The following TTN variants were observed in gnomAD, a reference collection of about 807,000 sequenced individuals.
The protein encoded by TTN is titin.
A neutral mutation model predicts 3,223.0 loss-of-function variants in TTN; 1,525 were observed. That is an observed-to-expected ratio of 0.47 (90% CI 0.45 to 0.49). The LOEUF (loss-of-function observed/expected upper bound fraction) is 0.49. Among genes scored for constraint, TTN ranks in the 20% least tolerant of loss-of-function variants. The pLI is 0.00. For synonymous variants in TTN, 14,094 were observed against 15,161.0 expected, an observed-to-expected ratio of 0.93 and a Z score of 5.17; for missense variants, 40,786 against 43,424.0, an observed-to-expected ratio of 0.94 and a Z score of 5.40.
In TTN at chr2:178,566,892, C is replaced by T. The variant is rs1349007720; in HGVS notation, c.79240G>A (p.Gly26414Ser). Residue 26414 changes from glycine (G) to serine (S), a missense_variant, in exon 326 of 363, where the codon GGT (glycine) becomes AGT (serine). Transcript: ENST00000589042. ...ATGTAACCAATAATCTCACTTCCAC[C>T]ATCACTATCTGGACGGTTCCAACAG... ...TVCWNRPDSD[G>S]GSEIIGYIVE... The T allele has an allele frequency of 6.2e-7, 1 of 1,613,560 alleles. No individual in the cohort carries two copies. Among genetic ancestry groups the T allele is most frequent in the Non-Finnish European group, 8.5e-7 (1 of 1,179,674 alleles).
Position 178,607,155 on chromosome 2 carries a change from T to C in TTN, c.53447A>G (p.Glu17816Gly). ...AKMHTWRQPI[E>G]TERSKCDITG... ...GATGTCACATTTAGATCTCTCAGTC[T>C]CTATTGGTTGTCTCCAAGTATGCAT... Residue 17816 changes from glutamate to glycine, a missense_variant, in exon 278 of 363, where the codon GAG becomes GGG. By Grantham distance (98) the Glu-to-Gly change is moderately conservative. Coordinates refer to ENST00000589042, the MANE Select transcript of TTN (RefSeq NM_001267550.2). The C allele has an allele frequency of 1.9e-6, 3 of 1,613,018 alleles. No homozygotes were observed. The highest frequency in any genetic ancestry group is 2.5e-6 in the Non-Finnish European group (3 of 1,179,288).
rs373195399 is a variant in TTN, at chr2:178,765,574, G to T, written c.9704-763C>A. On this transcript the variant is annotated intron_variant, in intron 41 of 362. Coordinates refer to ENST00000589042, the MANE Select transcript of TTN (RefSeq NM_001267550.2). Reference sequence around the variant, plus strand: ...AAGAACTGGATGCCATGACCATTTGGTCTTCTAGGAACCTAGGGAATGCTG... The same window carrying T: ...AAGAACTGGATGCCATGACCATTTGTTCTTCTAGGAACCTAGGGAATGCTG... Among the ~76,000 whole-genome samples, 23 of 152,230 alleles carry T rather than the reference G, an allele frequency of 1.5e-4. No homozygotes were observed. The East Asian group carries it at 3.9e-3, about 26-fold the overall frequency.
At position 178,690,948 on chromosome 2, in the gene TTN, G is replaced by C. The variant is rs149820734; in HGVS notation, c.31763-1052C>G. ...AATGTTCAGATAGTATATAGAAAAG[G>C]TTCTTTATGCTTTGTATGGGGAAAT... On this transcript the variant is annotated intron_variant, in intron 121 of 362. Coordinates refer to ENST00000589042, the MANE Select transcript of TTN (RefSeq NM_001267550.2). Among the ~76,000 whole-genome samples, 275 of 152,190 alleles carry C rather than the reference G, an allele frequency of 1.8e-3. 5 individuals are homozygous for C. The South Asian group carries it at 0.024, about 13-fold the overall frequency.
chr2:178,715,354 A>G, intron 89 of TTN, 90 bp from the exon 90 acceptor site: 1 of 1,508,118 alleles, frequency 6.6e-7, no homozygotes, highest in Non-Finnish European at 8.8e-7. Context: ...AGAGAGATAG[A>G]GAGTGAAAAA....
Position 178,640,031 on chromosome 2 carries a change from A to C in TTN, c.40786+17T>G. On this transcript the variant is annotated intron_variant, in intron 222 of 362. Coordinates refer to ENST00000589042, the MANE Select transcript of TTN (RefSeq NM_001267550.2). ...CAGAAAGAATATGCTGTTGACATTG[A>C]GGATAAGCTTGCTCACCTGCTTCGG... 6.2e-7 allele frequency: 1 copy of C among 1,611,472 alleles called. No homozygotes were observed.
chr2:178,675,604 C>T (rs868150950), intron 149 of TTN, 67 bp downstream of exon 149: 2 of 1,187,580 alleles, frequency 1.7e-6, no homozygotes, highest in African/African-American at 3.1e-5. Flanking sequence ...TGTTGAGTGT[C>T]CTGTGTGGAT....
intron 306 of TTN, 40 bp downstream of exon 306, chr2:178,587,476 C>T: frequency 6.2e-7 from 1 of 1,602,358 alleles, no homozygotes; most frequent in Non-Finnish European, 8.5e-7. Flanking sequence ...TTAACAAATT[C>T]ATTTTTGAAG....
At chr2:178,744,518 A>G (rs11893580) in intron 47 of TTN, 119,559 of 865,616 alleles carry the variant, frequency 0.14, 9,037 homozygotes, top group East Asian at 0.47. Flanking sequence ...AGACAAAATT[A>G]AAGAGTTACT....
chr2:178,745,718 A>G (rs1337550538), intron 47 of TTN: 1 of 1,612,482 alleles, frequency 6.2e-7, no homozygotes, highest in Non-Finnish European at 8.5e-7. Context: ...ACTTTCCTCA[A>G]CAGTGAACCT....
chr2:178,546,378 T>A lies in TTN; in HGVS notation c.94953A>T (p.Lys31651Asn), dbSNP rs188002699. The A allele has an allele frequency of 6.2e-7, 1 of 1,613,762 alleles. No homozygotes were observed. Among genetic ancestry groups the A allele is most frequent in the African/African-American group, 1.3e-5 (1 of 75,008 alleles). The part of the protein sequence containing the change: ...GKPEPKIIWT[K>N]GDKELDLCEK... ...CACAGAGATCTAGCTCCTTGTCTCCTTTGGTCCAGATAATTTTGGGTTCAG... is the reference window on the plus strand; with the variant it reads ...CACAGAGATCTAGCTCCTTGTCTCCATTGGTCCAGATAATTTTGGGTTCAG... Residue 31651 changes from lysine (K) to asparagine (N), a missense_variant, in exon 342 of 363, where the codon AAA (lysine) becomes AAT (asparagine). By Grantham distance (94) the Lys-to-Asn change is moderately conservative. Coordinates refer to ENST00000589042, the MANE Select transcript of TTN (RefSeq NM_001267550.2).
At position 178,782,429 on chromosome 2, in the gene TTN, TG is replaced by T; in HGVS notation, c.3165-3del. ...ACCACATCTCTTGACTCAACAAAGC[TG>T]GAAAGAGAATTCCCCTCATATTAGC... On this transcript the variant is annotated splice_region_variant and splice_polypyrimidine_tract_variant and intron_variant, in intron 19 of 362. Coordinates refer to ENST00000589042, the MANE Select transcript of TTN (RefSeq NM_001267550.2). 6.2e-7 allele frequency: 1 copy of T among 1,614,078 alleles called. No individual in the cohort carries two copies. Among genetic ancestry groups the T allele is most frequent in the Non-Finnish European group, 8.5e-7 (1 of 1,179,992 alleles).
Position 178,544,131 on chromosome 2 carries a change from C to G in TTN, c.96029-16G>C. 1 of 1,601,598 alleles carries G rather than the reference C, an allele frequency of 6.2e-7. No individual in the cohort carries two copies. Reference sequence around the variant, plus strand: ...TCTGGTATTTCTGGAAAGTTAATGACAAAATTTAATTAATTCATGGACAGG... The same window carrying G: ...TCTGGTATTTCTGGAAAGTTAATGAGAAAATTTAATTAATTCATGGACAGG... On this transcript the variant is annotated splice_polypyrimidine_tract_variant and intron_variant, in intron 345 of 362. Coordinates refer to ENST00000589042, the MANE Select transcript of TTN (RefSeq NM_001267550.2).
Position 178,802,287 on chromosome 2 carries a change from G to A in TTN, c.146C>T (p.Ser49Phe), listed in dbSNP as rs368887734. 1 of 1,614,048 alleles carries A rather than the reference G, an allele frequency of 6.2e-7. No homozygotes were observed. Among genetic ancestry groups the A allele is most frequent in the Non-Finnish European group, 8.5e-7 (1 of 1,180,020 alleles). The change falls in exon 3 of 363, where the codon TCC becomes TTC. Residue 49 changes from serine to phenylalanine, a missense_variant. By Grantham distance (155) the Ser-to-Phe change is radical. Transcript: ENST00000589042. ...GGAGATCTGCACGCCGGGCAGAGTG[G>A]AAGTGGAAATCACCTGGCCATCCCT... ...WFRDGQVIST[S>F]TLPGVQISFS...
rs531055730 is a variant in TTN at position 178,740,667 on chromosome 2, A to G, written c.12566T>C (p.Met4189Thr). Residue 4189 changes from methionine (M) to threonine (T), a missense_variant, in exon 48 of 363, where the codon ATG becomes ACG. Met to Thr is a moderately conservative substitution (Grantham distance 81, BLOSUM62 -1). Coordinates refer to ENST00000589042, the MANE Select transcript of TTN (RefSeq NM_001267550.2). ...TAATGAATTAATTTGTTCTATGGAC[A>G]TGGCACTTGGGAAGATTTTCTCGGT... ...SDTEKIFPSA[M>T]SIEQINSLTV... 1.2e-6 allele frequency: 2 copies of G among 1,613,834 alleles called. No homozygotes were observed. The highest frequency in any genetic ancestry group is 2.2e-5 in the South Asian group (2 of 91,064).
At chr2:178,630,709 T>G in intron 238 of TTN, 95 bp downstream of exon 238, 1 of 1,510,204 alleles carries the variant, frequency 6.6e-7, no homozygotes, top group Non-Finnish European at 8.9e-7. Context: ...ACTGCTATCA[T>G]GTTTTAAATG....
chr2:178,747,118 T>G, intron 47 of TTN: 1 of 1,605,434 alleles, frequency 6.2e-7, no homozygotes, highest in Non-Finnish European at 8.5e-7. Flanking sequence ...GTGTGGAGTA[T>G]CTCTCCAGAG....
chr2:178,601,642 T>G lies in TTN; in HGVS notation c.55432+16A>C. ...ATTTGTTTTTATTCTGTAGCAACTT[T>G]CAAAGTCTTTCTTACCCATGACTTT... On this transcript the variant is annotated intron_variant, in intron 286 of 362. Coordinates refer to ENST00000589042, the MANE Select transcript of TTN (RefSeq NM_001267550.2). The G allele has an allele frequency of 6.3e-7, 1 of 1,585,876 alleles. No individual in the cohort carries two copies. The highest frequency in any genetic ancestry group is 8.5e-7 in the Non-Finnish European group (1 of 1,170,520).
Position 178,650,786 on chromosome 2 carries a change from G to C in TTN, c.39674C>G (p.Pro13225Arg). Residue 13225 changes from proline (P) to arginine (R), a missense_variant, in exon 209 of 363, where the codon CCT becomes CGT. By Grantham distance (103) the Pro-to-Arg change is moderately radical (BLOSUM62 -2). Coordinates refer to ENST00000589042, the MANE Select transcript of TTN (RefSeq NM_001267550.2). ...KPVLEEKPAV[P>R]VPERAESPPP... ...AGGAGACTCCGCTCTTTCTGGAACA[G>C]GAACAGCTGGTTTCTCTTCCAAGAC... 1 of 1,607,784 alleles carries C rather than the reference G, an allele frequency of 6.2e-7. No individual in the cohort carries two copies. The highest frequency in any genetic ancestry group is 8.5e-7 in the Non-Finnish European group (1 of 1,177,042).
At position 178,637,349 on chromosome 2, in the gene TTN, A is replaced by G; in HGVS notation, c.40927+20T>C. 6.9e-7 allele frequency: 1 copy of G among 1,448,714 alleles called. No homozygotes were observed. The highest frequency in any genetic ancestry group is 9.1e-7 in the Non-Finnish European group (1 of 1,100,988). 89.7% of individuals were successfully genotyped at this position (1,448,714 alleles called of 1,614,324 possible). A position where few individuals can be genotyped will look rare whatever the true frequency, so the allele number is the denominator to read the frequency against. ...CAGAGTGGAAGGTTACAATGCAAGT[A>G]CTAGAAAAATGAATTTCACCTTTGA... On this transcript the variant is annotated intron_variant, in intron 224 of 362. Coordinates refer to ENST00000589042, the MANE Select transcript of TTN (RefSeq NM_001267550.2).
Sources: gnomAD v4.1 joint callset for allele counts (sites outside exome capture counted in the v4.1 genomes callset) on GRCh38, gnomAD v4.1.1 for gene constraint, MANE v1.5 for transcripts, NCBI Gene and HGNC (gene_info 2026-07-23, HGNC 2026-07-21) for gene names.